The following DPH6 variants were observed in gnomAD, a reference collection of about 807,000 sequenced individuals.
DPH6 encodes the protein diphthamine biosynthesis 6.
DPH6 carries 33 observed loss-of-function variants against 38.2 expected under a neutral mutation model. That is an observed-to-expected ratio of 0.86 (90% CI 0.65 to 1.15). The LOEUF (loss-of-function observed/expected upper bound fraction) is 1.15, where lower values mean the gene tolerates loss of function less well. DPH6 is among the 50% of genes most tolerant of loss of function. DPH6 has a pLI of 0.00. For missense variants in DPH6, 325 were observed against 320.0 expected (o/e 1.02, Z -0.12); for synonymous variants, 108 against 103.0 (o/e 1.05, Z -0.30).
chr15:35,475,851 A>G, intron 3 of DPH6, among the ~76,000 whole-genome samples: 1 of 151,860 alleles, frequency 6.6e-6, no homozygotes, highest in Non-Finnish European at 1.5e-5. Context: ...AACTGAGAAG[A>G]ATATTAAAAA....
rs146289282 is a variant in DPH6, at chr15:35,299,007, G to T, written n.200+74514C>A. The T allele has an allele frequency of 2.8e-4, 204 of 739,422 alleles. 1 individual carries two copies. Among genetic ancestry groups the T allele is most frequent in the African/African-American group, 2.6e-3 (151 of 57,592 alleles). The allele number at this position is 739,422 out of a possible 1,614,324, so 45.8% of individuals were successfully genotyped here. A position where few individuals can be genotyped will look rare whatever the true frequency, so the allele number is the denominator to read the frequency against. On this transcript the variant is annotated intron_variant and non_coding_transcript_variant, in intron 3 of 3. Transcript: ENST00000560386. Reference sequence around the variant, plus strand: ...ATCAGAATCCGGATCTGAACTCCTTGAAAACTCACGTGCATCATGTCTGTA... The same window carrying T: ...ATCAGAATCCGGATCTGAACTCCTTTAAAACTCACGTGCATCATGTCTGTA...
chr15:35,155,045 G>T, the DPH6 span, among the ~76,000 whole-genome samples: 3 of 152,144 alleles, frequency 2.0e-5, no homozygotes, highest in African/African-American at 7.2e-5. Flanking sequence ...TTCCACATTT[G>T]AAGGTAGGAC....
chr15:35,343,104 T>A (rs1232965440), intron 3 of DPH6, among the ~76,000 whole-genome samples: 2 of 152,186 alleles, frequency 1.3e-5, no homozygotes, highest in Non-Finnish European at 2.9e-5. Context: ...CACTTAAAAA[T>A]AATAATTCCT....
chr15:35,505,936 TGTCA>T (rs1388638452), intron 3 of DPH6, among the ~76,000 whole-genome samples: 2 of 152,124 alleles, frequency 1.3e-5, no homozygotes, highest in Admixed American at 6.6e-5. Flanking sequence ...TATTTACACT[TGTCA>T]GTATTTTAAA....
Position 35,412,668 on chromosome 15 carries a change from C to G in DPH6, c.506-1772G>C, listed in dbSNP as rs142741914. 2.6e-5 allele frequency among the ~76,000 whole-genome samples: 4 copies of G among 151,622 alleles called. No individual in the cohort carries two copies. In the East Asian group the frequency reaches 7.8e-4, roughly 29 times the overall value. ...TGCTAAAAAGAAAGCAGCTATCAAG[C>G]CATGAAAATACATGGAGGAAATGTA... On this transcript the variant is annotated intron_variant, in intron 5 of 8. Coordinates refer to ENST00000256538, the MANE Select transcript of DPH6 (RefSeq NM_080650.4).
intron 3 of DPH6, among the ~76,000 whole-genome samples, chr15:35,482,906 T>C (rs909638235): frequency 6.6e-6 from 1 of 151,934 alleles, no homozygotes; most frequent in East Asian, 1.9e-4. Flanking sequence ...AGCCATGAAC[T>C]GAAACAGTTT....
rs186183636 is a variant in DPH6, at chr15:35,294,944, C to T, written n.201-74362G>A. ...AAGGTCCTGTTGCATGGTGAGTTCA[C>T]GGGGCTCAGTGACATTGCCTTTCCT... On this transcript the variant is annotated intron_variant and non_coding_transcript_variant, in intron 3 of 3. Coordinates refer to the DPH6 transcript ENST00000560386. Among the ~76,000 whole-genome samples, 10 of 152,310 alleles carry T rather than the reference C, an allele frequency of 6.6e-5. No homozygotes were observed. In the East Asian group the frequency reaches 9.7e-4, roughly 15 times the overall value.
chr15:35,388,507 C>T (rs931012295), intron 6 of DPH6, among the ~76,000 whole-genome samples: 3 of 152,280 alleles, frequency 2.0e-5, no homozygotes, highest in African/African-American at 7.2e-5. Context: ...TAATTATTGC[C>T]TCAATTTCAG....
chr15:35,168,724 G>C, the DPH6 span, among the ~76,000 whole-genome samples: 2 of 151,942 alleles, frequency 1.3e-5, no homozygotes, highest in South Asian at 4.1e-4. Context: ...ATATGAGACC[G>C]TGGAATGTCA....
chr15:35,369,560 G>A (rs2052691796), downstream of DPH6, among the ~76,000 whole-genome samples: 1 of 150,706 alleles, frequency 6.6e-6, no homozygotes, highest in African/African-American at 2.4e-5. Context: ...CCCTGTGACT[G>A]AGAGGCATAT....
rs1203785088 is a variant in DPH6, at chr15:35,232,335, A to C, written n.201-11753T>G. Among the ~76,000 whole-genome samples, 3 of 152,128 alleles carry C rather than the reference A, an allele frequency of 2.0e-5. No homozygotes were observed. In the East Asian group the frequency reaches 5.8e-4, roughly 29 times the overall value. ...GGTGGCTCATGCCTGTAATCTCAAC[A>C]CTTTGGGAGGCCAAGGCGGGTGGAT... On this transcript the variant is annotated intron_variant and non_coding_transcript_variant, in intron 3 of 3. Coordinates refer to the DPH6 transcript ENST00000560386.
chr15:35,354,647 G>A (rs1365972498), intron 3 of DPH6, among the ~76,000 whole-genome samples: 1 of 152,148 alleles, frequency 6.6e-6, no homozygotes, highest in Non-Finnish European at 1.5e-5. Context: ...GATCATGGTG[G>A]ATAAGCTTTT....
intron 5 of DPH6, among the ~76,000 whole-genome samples, chr15:35,448,503 T>G (rs2053885941): frequency 6.6e-6 from 1 of 152,138 alleles, no homozygotes; most frequent in Non-Finnish European, 1.5e-5. Context: ...CATACAGACA[T>G]ATATCATTTC....
chr15:35,327,636 G>A (rs2052295463), downstream of DPH6, among the ~76,000 whole-genome samples: 1 of 152,076 alleles, frequency 6.6e-6, no homozygotes, highest in African/African-American at 2.4e-5. Context: ...TCTAGAAAAG[G>A]TTCTTTAAAC....
chr15:35,388,013 T>C (rs886964460), intron 6 of DPH6, among the ~76,000 whole-genome samples: 13 of 152,152 alleles, frequency 8.5e-5, no homozygotes, highest in Non-Finnish European at 1.6e-4. Context: ...TTGAGATATG[T>C]CCCATCAATA....
chr15:35,477,712 CA>C (rs2054279089), intron 3 of DPH6, among the ~76,000 whole-genome samples: 1 of 151,798 alleles, frequency 6.6e-6, no homozygotes, highest in South Asian at 2.1e-4. Flanking sequence ...GCCAACTAAC[CA>C]ATTGTTTAAA....
At chr15:35,339,943 TTC>T (rs2052407623) in intron 3 of DPH6, among the ~76,000 whole-genome samples, 1 of 152,156 alleles carries the variant, frequency 6.6e-6, no homozygotes, top group Non-Finnish European at 1.5e-5. Context: ...ATTGTTAATT[TTC>T]TGTCTCAATG....
chr15:35,526,799 T>C (rs987815905), intron 3 of DPH6, among the ~76,000 whole-genome samples: 2 of 152,096 alleles, frequency 1.3e-5, no homozygotes, highest in East Asian at 1.9e-4. Context: ...TAAATTTTAA[T>C]GGAAAAAAAT....
At chr15:35,337,861 C>T (rs1037134626) in intron 3 of DPH6, among the ~76,000 whole-genome samples, 4 of 151,848 alleles carry the variant, frequency 2.6e-5, no homozygotes, top group African/African-American at 9.7e-5. Flanking sequence ...AGAACAGAGC[C>T]CTCAGAAATA....
Sources: allele counts gnomAD v4.1 joint callset (sites outside exome capture counted in the v4.1 genomes callset), GRCh38; gene constraint gnomAD v4.1.1; transcripts MANE v1.5; gene names NCBI Gene and HGNC (gene_info 2026-07-23, HGNC 2026-07-21).